The following TMEM59 variants were observed in gnomAD, a reference collection of about 807,000 sequenced individuals.
TMEM59 encodes dendritic cell factor 1.
TMEM59 carries 44 observed loss-of-function variants against 42.2 expected under a neutral mutation model. The ratio of observed to expected loss-of-function variants is 1.04; its 90% CI spans 0.82 to 1.34. TMEM59 has a LOEUF of 1.34. TMEM59 is among the 40% of genes most tolerant of loss of function. The pLI, the probability that TMEM59 is intolerant of heterozygous loss-of-function variation, is 0.00. For synonymous variants in TMEM59, 148 were observed against 145.8 expected (o/e 1.02, Z -0.11); for missense variants, 359 against 382.8 (o/e 0.94, Z 0.52).
chr1:54,040,755 C>G lies in TMEM59; in HGVS notation c.707+1G>C. On this transcript the variant is annotated splice_donor_variant, in intron 6 of 7. Transcript: ENST00000234831. LOFTEE classifies it high-confidence loss of function. ...TACACATAATAAAGAGGAATACATA[C>G]AGAGAGAGGCATCTTAAAAAGCCAT... The G allele has an allele frequency of 6.2e-7, 1 of 1,610,762 alleles. No individual in the cohort carries two copies. Among genetic ancestry groups the G allele is most frequent in the South Asian group, 1.1e-5 (1 of 90,992 alleles).
intron 2 of TMEM59, among the ~76,000 whole-genome samples, chr1:54,046,841 T>G (rs1025813451): frequency 6.6e-6 from 1 of 152,254 alleles, no homozygotes; most frequent in Non-Finnish European, 1.5e-5. Context: ...CTACTTATTT[T>G]AATGGCCTGA....
At chr1:54,048,481 CA>C (rs1271001859) in intron 1 of TMEM59, among the ~76,000 whole-genome samples, 1 of 152,182 alleles carries the variant, frequency 6.6e-6, no homozygotes, top group Admixed American at 6.5e-5. Flanking sequence ...AAAACAATTA[CA>C]GGCATCAATG....
intron 7 of TMEM59, chr1:54,033,216 C>T (rs1045148851): frequency 6.6e-6 from 1 of 151,896 alleles, no homozygotes; most frequent in Non-Finnish European, 1.5e-5. Flanking sequence ...CTACCTTGGC[C>T]TCCCAAAGTG....
In TMEM59 at chr1:54,031,372, C is replaced by G. The variant is rs1213536164; in HGVS notation, c.*778G>C. The G allele has an allele frequency of 6.6e-6, 1 of 152,154 alleles. No homozygotes were observed. The highest frequency in any genetic ancestry group is 1.5e-5 in the Non-Finnish European group (1 of 68,032). The allele number at this position is 152,154 out of a possible 1,614,324, so 9.4% of individuals were successfully genotyped here. A position where few individuals can be genotyped will look rare whatever the true frequency, so the allele number is the denominator to read the frequency against. The stretch of plus-strand genomic sequence containing the variant: ...AAAATTTATACTTAATTCTGTATCA[C>G]AAGAGTCTAATTTTTAGTGTTAAAA... On this transcript the variant is annotated 3_prime_UTR_variant, in exon 8 of 8. Transcript: ENST00000234831.
intron 5 of TMEM59, 145 bp downstream of exon 5, chr1:54,041,578 CT>C (rs1400683453): frequency 1.5e-5 from 9 of 592,392 alleles, no homozygotes; most frequent in Non-Finnish European, 2.6e-5. Context: ...GCTCTCCAAA[CT>C]GTAATACACA....
In TMEM59 at chr1:54,031,398, T is replaced by A. The variant is rs939618834; in HGVS notation, c.*752A>T. On this transcript the variant is annotated 3_prime_UTR_variant, in exon 8 of 8. Coordinates refer to ENST00000234831, the MANE Select transcript of TMEM59 (RefSeq NM_004872.5). The stretch of plus-strand genomic sequence containing the variant: ...AAGAGTCTAATTTTTAGTGTTAAAA[T>A]GAAGTTTTCTCTGAAAATATGTTTA... 1 of 152,242 alleles carries A rather than the reference T, an allele frequency of 6.6e-6. No individual in the cohort carries two copies. The highest frequency in any genetic ancestry group is 1.5e-5 in the Non-Finnish European group (1 of 68,042). 9.4% of individuals were successfully genotyped at this position (152,242 alleles called of 1,614,324 possible).
intron 1 of TMEM59, among the ~76,000 whole-genome samples, chr1:54,051,184 G>A (rs1304037690): frequency 1.3e-5 from 2 of 152,180 alleles, no homozygotes; most frequent in Admixed American, 6.5e-5. Context: ...TTATTAATAG[G>A]AGGCAGCATA....
intron 6 of TMEM59, among the ~76,000 whole-genome samples, chr1:54,037,959 C>A (rs1322489050): frequency 6.6e-6 from 1 of 152,074 alleles, no homozygotes; most frequent in Non-Finnish European, 1.5e-5. Context: ...GGGGCTCATC[C>A]CTTCAATCTC....
intron 1 of TMEM59, 79 bp downstream of exon 1, chr1:54,052,921 G>T: frequency 2.0e-6 from 3 of 1,489,764 alleles, no homozygotes; most frequent in Non-Finnish European, 2.7e-6. Flanking sequence ...CAGCCAGGTT[G>T]CCAGAGCCGA....
chr1:54,052,994 C>A lies in TMEM59; in HGVS notation c.189+6G>T, dbSNP rs758692981. 53 of 1,609,686 alleles carry A rather than the reference C, an allele frequency of 3.3e-5. No homozygotes were observed. The highest frequency in any genetic ancestry group is 4.2e-5 in the Non-Finnish European group (50 of 1,176,996). On this transcript the variant is annotated splice_donor_region_variant and intron_variant, in intron 1 of 7. Coordinates refer to ENST00000234831, the MANE Select transcript of TMEM59 (RefSeq NM_004872.5). ...AGGGTCGCAGCCCGCTCCGGACGGG[C>A]CCTACCTTAGGGTAGGTGTGCAAGG...
intron 1 of TMEM59, among the ~76,000 whole-genome samples, chr1:54,051,724 A>AG (rs1284016105): frequency 6.6e-6 from 1 of 152,240 alleles, no homozygotes; most frequent in African/African-American, 2.4e-5. Flanking sequence ...CAAGAGGTGG[A>AG]GAAAAATAAC....
intron 6 of TMEM59, 98 bp downstream of exon 6, chr1:54,040,658 C>A: frequency 1.1e-6 from 1 of 918,298 alleles, no homozygotes; most frequent in South Asian, 1.6e-5. Flanking sequence ...AAAAGGTTTA[C>A]TTTTGAGGTG....
At position 54,038,577 on chromosome 1, in the gene TMEM59, C is replaced by T. The variant is rs146598989; in HGVS notation, c.708-1859G>A. ...TCTGGAGACAAGGGTGTCTCTTTAA[C>T]AGCTACGACCAGATTCCAATAACTG... On this transcript the variant is annotated intron_variant, in intron 6 of 7. Coordinates refer to ENST00000234831, the MANE Select transcript of TMEM59 (RefSeq NM_004872.5). Among the ~76,000 whole-genome samples the T allele has an allele frequency of 1.3e-4, 20 of 152,320 alleles. No homozygotes were observed. In the East Asian group the frequency reaches 3.9e-3, roughly 29 times the overall value.
At chr1:54,052,907 T>G in intron 1 of TMEM59, 93 bp downstream of exon 1, 1 of 1,428,216 alleles carries the variant, frequency 7.0e-7, no homozygotes, top group Non-Finnish European at 9.5e-7. Context: ...AAGGGCCGAT[T>G]TAACAGCCAG....
At chr1:54,046,286 G>T (rs528850863) in intron 2 of TMEM59, among the ~76,000 whole-genome samples, 1 of 152,298 alleles carries the variant, frequency 6.6e-6, no homozygotes, top group African/African-American at 2.4e-5. Flanking sequence ...AGATCACTCA[G>T]TTAAGAAGTA....
chr1:54,029,168 C>T lies in TMEM59; in HGVS notation c.*2982G>A, dbSNP rs542577776. The T allele has an allele frequency of 1.3e-5, 2 of 152,284 alleles. No homozygotes were observed. The highest frequency in any genetic ancestry group is 4.1e-4 in the South Asian group (2 of 4,828). 9.4% of individuals were successfully genotyped at this position (152,284 alleles called of 1,614,324 possible). A position where few individuals can be genotyped will look rare whatever the true frequency, so the allele number is the denominator to read the frequency against. On this transcript the variant is annotated 3_prime_UTR_variant, in exon 8 of 8. Coordinates refer to ENST00000234831, the MANE Select transcript of TMEM59 (RefSeq NM_004872.5). Reference sequence around the variant, plus strand: ...TGCAGGGTTTTCTGCTGATCAGCAGCTCAGATTGCCTCATGATGCACCACA... The same window carrying T: ...TGCAGGGTTTTCTGCTGATCAGCAGTTCAGATTGCCTCATGATGCACCACA...
At chr1:54,049,312 T>C (rs1657449346) in intron 1 of TMEM59, among the ~76,000 whole-genome samples, 1 of 152,226 alleles carries the variant, frequency 6.6e-6, no homozygotes, top group Non-Finnish European at 1.5e-5. Flanking sequence ...TTGCAGAGTG[T>C]CAATCTTCAC....
intron 2 of TMEM59, among the ~76,000 whole-genome samples, chr1:54,046,910 G>A (rs141282402): frequency 0.011 from 1,646 of 152,300 alleles, 12 homozygotes; most frequent in Middle Eastern, 0.044. Context: ...AAAAAACTTG[G>A]AGATAAGTCG....
intron 2 of TMEM59, 35 bp downstream of exon 2, chr1:54,047,232 T>G: frequency 6.5e-7 from 1 of 1,530,290 alleles, no homozygotes; most frequent in Non-Finnish European, 9.0e-7. Flanking sequence ...AAAACAATGT[T>G]ACATACAGCT....
Sources: allele counts gnomAD v4.1 joint callset (sites outside exome capture counted in the v4.1 genomes callset), GRCh38; gene constraint gnomAD v4.1.1; transcripts MANE v1.5; gene names NCBI Gene and HGNC (gene_info 2026-07-23, HGNC 2026-07-21).